Variants in SLITRK3 observed in about 807,000 individuals in gnomAD.
The protein encoded by SLITRK3 is SLIT and NTRK like family member 3, also known as SLIT and NTRK-like protein 3.
SLITRK3 carries 16 observed loss-of-function variants against 63.6 expected under a neutral mutation model. The observed-to-expected ratio is 0.25, with a 90% confidence interval of 0.17 to 0.38. The LOEUF (loss-of-function observed/expected upper bound fraction) is 0.38. SLITRK3 is among the 10% of genes least tolerant of loss of function. SLITRK3 has a pLI of 1.00. For missense variants in SLITRK3, 1,117 were observed against 1,181.4 expected (o/e 0.95, Z 0.80); for synonymous variants, 547 against 451.6 (o/e 1.21, Z -2.68).
rs757484416 is a variant in SLITRK3 at position 165,190,344 on chromosome 3, G to C, written c.487C>G (p.Arg163Gly). 1 of 1,614,082 alleles carries C rather than the reference G, an allele frequency of 6.2e-7. No individual in the cohort carries two copies. The highest frequency in any genetic ancestry group is 1.1e-5 in the South Asian group (1 of 91,074). The change falls in exon 2 of 2, where the codon CGT (arginine) becomes GGT (glycine). Residue 163 changes from arginine to glycine, a missense_variant. Physicochemically the swap from Arg to Gly is moderately radical, Grantham distance 125. Around this residue, in one of 4 missense-constraint regions of SLITRK3, gnomAD observed 452 missense variants for 495.3 expected, o/e 0.91. Transcript: ENST00000475390. ...YLQADYNVIK[R>G]IESGAFRNLS... is the part of the protein sequence containing the mutation. ...TTCCGAAATGCCCCACTCTCAATAC[G>C]TTTAATGACATTGTAATCTGCCTGC... is the stretch of plus-strand genomic sequence containing the variant.
rs368749158 is a variant in SLITRK3 at position 165,189,916 on chromosome 3, T to G, written c.915A>C (p.Ala305=). 2.5e-6 allele frequency: 4 copies of G among 1,614,024 alleles called. No individual in the cohort carries two copies. Among genetic ancestry groups the G allele is most frequent in the African/African-American group, 1.3e-5 (1 of 74,920 alleles). Residue 305 remains alanine, a synonymous_variant, in exon 2 of 2, where the codon GCA becomes GCC. Coordinates refer to ENST00000475390, the MANE Select transcript of SLITRK3 (RefSeq NM_001318810.2). The surrounding 1 kb of genome is among the most constrained non-coding windows in gnomAD (Gnocchi z 4.0). ...GCATTGAGGAAGGCTTAGTTGGCCA[T>G]GCATTCTCCTTACTTGATGACGAAT... ...IPHSSSSKEN[A]WPTKPSSMLS... is the part of the protein sequence containing the mutation.
chr3:165,196,454 G>A (rs1360709507), upstream of SLITRK3: 1 of 149,456 alleles, frequency 6.7e-6, no homozygotes, highest in Non-Finnish European at 1.5e-5. Flanking sequence ...GTGGGAGGGG[G>A]AGGGGACTGC....
Position 165,190,575 on chromosome 3 carries a change from T to C in SLITRK3, c.256A>G (p.Arg86Gly). The change falls in exon 2 of 2, where the codon AGG (arginine) becomes GGG (glycine). Residue 86 changes from arginine (R) to glycine (G), a missense_variant. By Grantham distance (125) the Arg-to-Gly change is moderately radical. This residue lies in a region of SLITRK3 where 452 missense variants were observed against 495.3 expected (regional missense o/e 0.91). Coordinates refer to ENST00000475390, the MANE Select transcript of SLITRK3 (RefSeq NM_001318810.2). ...WSRPFKLYLQRNSMRKLYTNS... is the reference protein window; with the variant it reads ...WSRPFKLYLQGNSMRKLYTNS... Reference sequence around the variant, plus strand: ...GTATATAATTTCCTCATAGAATTCCTCTGCAGATACAGTTTAAAAGGTCTT... The same window carrying C: ...GTATATAATTTCCTCATAGAATTCCCCTGCAGATACAGTTTAAAAGGTCTT... The C allele has an allele frequency of 1.2e-6, 2 of 1,613,976 alleles. No individual in the cohort carries two copies. The highest frequency in any genetic ancestry group is 2.2e-5 in the South Asian group (2 of 91,084).
Position 165,190,730 on chromosome 3 carries a change from A to T in SLITRK3, c.101T>A (p.Ile34Lys). 1 of 1,614,070 alleles carries T rather than the reference A, an allele frequency of 6.2e-7. No individual in the cohort carries two copies. The highest frequency in any genetic ancestry group is 8.5e-7 in the Non-Finnish European group (1 of 1,179,972). The change falls in exon 2 of 2, where the codon ATA (isoleucine) becomes AAA (lysine). Residue 34 changes from isoleucine to lysine, a missense_variant. Ile to Lys is a moderately radical substitution (Grantham distance 102). This residue lies in a region of SLITRK3 where 452 missense variants were observed against 495.3 expected (regional missense o/e 0.91). Transcript: ENST00000475390. ...ALGWTTPIPLIEDSEEIDEPC... is the reference protein window; with the variant it reads ...ALGWTTPIPLKEDSEEIDEPC... Reference sequence around the variant, plus strand: ...CTCATCTATTTCCTCTGAGTCCTCTATTAGGGGAATCGGGGTAGTCCATCC... The same window carrying T: ...CTCATCTATTTCCTCTGAGTCCTCTTTTAGGGGAATCGGGGTAGTCCATCC...
Position 165,188,622 on chromosome 3 carries a change from C to A in SLITRK3, c.2209G>T (p.Gly737Cys), listed in dbSNP as rs894110841. The A allele has an allele frequency of 6.2e-7, 1 of 1,613,836 alleles. No individual in the cohort carries two copies. The highest frequency in any genetic ancestry group is 8.5e-7 in the Non-Finnish European group (1 of 1,179,900). The change falls in exon 2 of 2, where the codon GGT (glycine) becomes TGT (cysteine). Residue 737 changes from glycine (G) to cysteine (C), a missense_variant. By Grantham distance (159) the Gly-to-Cys change is radical. Around this residue, in one of 4 missense-constraint regions of SLITRK3, gnomAD observed 499 missense variants for 463.6 expected, o/e 1.08. Transcript: ENST00000475390. ...LSSPEKAPPV[G>C]HVYEYIPHPV... ...TGGGGGATGTACTCATACACATGACCCACGGGAGGGGCCTTCTCTGGAGAG... is the reference window on the plus strand; with the variant it reads ...TGGGGGATGTACTCATACACATGACACACGGGAGGGGCCTTCTCTGGAGAG...
At chr3:165,194,064 A>G (rs577096721) in intron 1 of SLITRK3, among the ~76,000 whole-genome samples, 4 of 152,104 alleles carry the variant, frequency 2.6e-5, no homozygotes, top group South Asian at 2.1e-4. Context: ...TGTGCAGCAA[A>G]GGAGTCTAAT....
In SLITRK3 at chr3:165,189,583, A is replaced by G. The variant is rs1366897469; in HGVS notation, c.1248T>C (p.Ser416=). 1 of 1,614,058 alleles carries G rather than the reference A, an allele frequency of 6.2e-7. No individual in the cohort carries two copies. The highest frequency in any genetic ancestry group is 1.3e-5 in the African/African-American group (1 of 74,912). The change falls in exon 2 of 2, where the codon AGT becomes AGC. Residue 416 remains serine, a synonymous_variant. Transcript: ENST00000475390. This position sits in a 1 kb window ranked among gnomAD's most constrained non-coding sequence, Gnocchi z 4.0. ...GGTATATTTTCTGAATCAGATTGCT[A>G]CTCAGATACAGTTTCTTGGCATTCA... ...RPLNAKKLYL[S]SNLIQKIYRS... is the part of the protein sequence containing the mutation.
chr3:165,189,177 T>G lies in SLITRK3; in HGVS notation c.1654A>C (p.Asn552His). 6.2e-7 allele frequency: 1 copy of G among 1,614,140 alleles called. No individual in the cohort carries two copies. Among genetic ancestry groups the G allele is most frequent in the African/African-American group, 1.3e-5 (1 of 75,022 alleles). Residue 552 changes from asparagine (N) to histidine (H), a missense_variant, in exon 2 of 2, where the codon AAT becomes CAT. Asn to His is a moderately conservative substitution (Grantham distance 68). Transcript: ENST00000475390. The surrounding 1 kb of genome is among the most constrained non-coding windows in gnomAD (Gnocchi z 4.0). ...TTGAGGTCTATCTGGACAATGGCAT[T>G]CAAGTGTTCCAGGACACCAGCCACG... ...LPVAGVLEHLNAIVQIDLNEN... is the reference protein window; with the variant it reads ...LPVAGVLEHLHAIVQIDLNEN...
Position 165,188,326 on chromosome 3 carries a change from G to A in SLITRK3, c.2505C>T (p.His835=), listed in dbSNP as rs781319066. Residue 835 remains histidine (H), a synonymous_variant, in exon 2 of 2, where the codon CAC becomes CAT. Coordinates refer to ENST00000475390, the MANE Select transcript of SLITRK3 (RefSeq NM_001318810.2). ...SQLNTIVTVN[H]HHPHHPAVGG... is the part of the protein sequence containing the mutation. ...CAACTGCTGGGTGGTGAGGGTGATG[G>A]TGATTCACCGTCACTATGGTGTTAA... The A allele has an allele frequency of 2.5e-6, 4 of 1,613,908 alleles. No homozygotes were observed. Among genetic ancestry groups the A allele is most frequent in the Non-Finnish European group, 3.4e-6 (4 of 1,180,008 alleles).
chr3:165,190,603 C>A lies in SLITRK3; in HGVS notation c.228G>T (p.Trp76Cys). Residue 76 changes from tryptophan to cysteine, a missense_variant, in exon 2 of 2, where the codon TGG (tryptophan) becomes TGT (cysteine). Trp to Cys is a radical substitution (Grantham distance 215, BLOSUM62 -2). This residue lies in a region of SLITRK3 where 452 missense variants were observed against 495.3 expected (regional missense o/e 0.91). Transcript: ENST00000475390. Reference protein sequence around the residue: ...FTNISQITEFWSRPFKLYLQR... With the variant: ...FTNISQITEFCSRPFKLYLQR... ...GCAGATACAGTTTAAAAGGTCTTGA[C>A]CAGAACTCGGTAATCTGACTAATAT... 6.2e-7 allele frequency: 1 copy of A among 1,613,872 alleles called. No homozygotes were observed. Among genetic ancestry groups the A allele is most frequent in the Non-Finnish European group, 8.5e-7 (1 of 1,179,924 alleles).
At chr3:165,193,891 G>C (rs530305622) in intron 1 of SLITRK3, among the ~76,000 whole-genome samples, 4 of 152,212 alleles carry the variant, frequency 2.6e-5, no homozygotes, top group African/African-American at 7.2e-5. Context: ...TAGTGGGAGT[G>C]GGGGTGGAGG....
In SLITRK3 at chr3:165,187,211, A is replaced by AGTGTGTGTGTGTGTGT. The variant is rs34713758; in HGVS notation, c.*670_*685dup. ...ATTGAGTTGAATGGAAATGGTATGGAGTGTGTGTGTGTGTGTGTGTGTGTG... is the reference window on the plus strand; with the variant it reads ...ATTGAGTTGAATGGAAATGGTATGGAGTGTGTGTGTGTGTGTGTGTGTGTGTGTGTGTGTGTGTGTG... On this transcript the variant is annotated 3_prime_UTR_variant, in exon 2 of 2. Transcript: ENST00000475390. The AGTGTGTGTGTGTGTGT allele has an allele frequency of 2.1e-5, 3 of 141,172 alleles. No individual in the cohort carries two copies. Among genetic ancestry groups the AGTGTGTGTGTGTGTGT allele is most frequent in the Admixed American group, 1.4e-4 (2 of 13,916 alleles). The allele number at this position is 141,172 out of a possible 1,614,324, so 8.7% of individuals were successfully genotyped here.
chr3:165,189,681 T>C lies in SLITRK3; in HGVS notation c.1150A>G (p.Asn384Asp). The C allele has an allele frequency of 1.9e-6, 3 of 1,614,084 alleles. No individual in the cohort carries two copies. Among genetic ancestry groups the C allele is most frequent in the Non-Finnish European group, 2.5e-6 (3 of 1,180,020 alleles). The part of the protein sequence containing the change: ...PTGCTCNLHI[N>D]DLGLTVNCKE... ...CAGTTGACAGTCAAGCCAAGGTCAT[T>C]GATGTGCAAATTACAGGTACACCCA... Residue 384 changes from asparagine to aspartate, a missense_variant, in exon 2 of 2, where the codon AAT (asparagine) becomes GAT (aspartate). Physicochemically the swap from Asn to Asp is conservative, Grantham distance 23. This residue lies in a region of SLITRK3 where 452 missense variants were observed against 495.3 expected (regional missense o/e 0.91). Transcript: ENST00000475390. This position sits in a 1 kb window ranked among gnomAD's most constrained non-coding sequence, Gnocchi z 4.0.
At chr3:165,196,897 G>GTCTCTCTGTCTCTCTCTC (rs1718450537), upstream of SLITRK3, 2 of 96,474 alleles carry the variant, frequency 2.1e-5, no homozygotes, top group Non-Finnish European at 4.1e-5. Flanking sequence ...CTCTCTCTCT[G>GTCTCTCTGTCTCTCTCTC]TCTCTCTCTC....
In SLITRK3 at chr3:165,190,086, G is replaced by T. The variant is rs754409997; in HGVS notation, c.745C>A (p.Arg249Ser). The change falls in exon 2 of 2, where the codon CGC becomes AGC. Residue 249 changes from arginine (R) to serine (S), a missense_variant. Transcript: ENST00000475390. ...CCCACCAGGGCAGTATAAGGAATGC[G>T]TTCCAGCCAACTCTTCAGTTGTACA... is the stretch of plus-strand genomic sequence containing the variant. ...EIVQLKSWLE[R>S]IPYTALVGDI... 1 of 1,614,006 alleles carries T rather than the reference G, an allele frequency of 6.2e-7. No homozygotes were observed.
chr3:165,195,349 C>CT (rs1718379753), intron 1 of SLITRK3, among the ~76,000 whole-genome samples: 1 of 152,154 alleles, frequency 6.6e-6, no homozygotes, highest in Non-Finnish European at 1.5e-5. Flanking sequence ...GAGTTACTTA[C>CT]GATGTCTTCA....
chr3:165,190,785 A>G lies in SLITRK3; in HGVS notation c.46T>C (p.Trp16Arg). The change falls in exon 2 of 2, where the codon TGG becomes CGG. Residue 16 changes from tryptophan to arginine, a missense_variant. By Grantham distance (101) the Trp-to-Arg change is moderately radical. This residue lies in a region of SLITRK3 where 452 missense variants were observed against 495.3 expected (regional missense o/e 0.91). Transcript: ENST00000475390. ...AEMLHRGRML[W>R]IILLSTIALG... ...GCAATTGTGCTTAGAAGAATTATCC[A>G]CAACATCCTTCCTCTGTGAAGCATC... 6.2e-7 allele frequency: 1 copy of G among 1,610,810 alleles called. No homozygotes were observed. Among genetic ancestry groups the G allele is most frequent in the Non-Finnish European group, 8.5e-7 (1 of 1,178,516 alleles).
intron 1 of SLITRK3, among the ~76,000 whole-genome samples, chr3:165,191,513 A>C (rs921934796): frequency 6.6e-6 from 1 of 152,182 alleles, no homozygotes; most frequent in African/African-American, 2.4e-5. Context: ...ATATGTCCAC[A>C]TCTTCTTGCC....
In SLITRK3 at chr3:165,188,452, T is replaced by A. The variant is rs1718048722; in HGVS notation, c.2379A>T (p.Gly793=). 3 of 1,613,628 alleles carry A rather than the reference T, an allele frequency of 1.9e-6. No homozygotes were observed. The highest frequency in any genetic ancestry group is 2.7e-5 in the African/African-American group (2 of 74,842). ...QPPGMGEALL[G]SEQFAETPKE... The stretch of plus-strand genomic sequence containing the variant: ...TGGGTGTCTCAGCAAACTGCTCACT[T>A]CCTAGGAGAGCCTCACCCATTCCCG... Residue 793 remains glycine (G), a synonymous_variant, in exon 2 of 2, where the codon GGA becomes GGT. Coordinates refer to ENST00000475390, the MANE Select transcript of SLITRK3 (RefSeq NM_001318810.2).
Sources: gnomAD v4.1 joint callset for allele counts (sites outside exome capture counted in the v4.1 genomes callset) on GRCh38, gnomAD v4.1.1 for gene constraint, gnomAD v4.1.1 regional missense constraint, Gnocchi (gnomAD v3.1) non-coding constraint, MANE v1.5 for transcripts, NCBI Gene and HGNC (gene_info 2026-07-23, HGNC 2026-07-21) for gene names.